CSNK1G1: variants seen among roughly 807,000 people sequenced by gnomAD.
CSNK1G1 encodes casein kinase 1 gamma 1.
A neutral mutation model predicts 59.6 loss-of-function variants in CSNK1G1; 22 were observed. That is an observed-to-expected ratio of 0.37 (90% confidence interval 0.26 to 0.53). CSNK1G1 has a LOEUF of 0.53. Among genes scored for constraint, CSNK1G1 ranks in the 20% least tolerant of loss-of-function variants. The pLI is 0.89. For missense variants in CSNK1G1, 384 were observed against 519.5 expected, an observed-to-expected ratio of 0.74 and a Z score of 2.54; for synonymous variants, 179 against 177.1, an observed-to-expected ratio of 1.01 and a Z score of -0.08.
Position 64,278,429 on chromosome 15 carries a change from TATA to T in CSNK1G1, c.182-19191_182-19189del, listed in dbSNP as rs1294846479. 6.6e-3 allele frequency among the ~76,000 whole-genome samples: 798 copies of T among 120,492 alleles called. 13 individuals carry two copies. Among genetic ancestry groups the T allele is most frequent in the African/African-American group, 0.032 (743 of 23,584 alleles). 79.0% of individuals were successfully genotyped at this position (120,492 alleles called of 152,430 possible). A position where few individuals can be genotyped will look rare whatever the true frequency, so the allele number is the denominator to read the frequency against. On this transcript the variant is annotated intron_variant, in intron 2 of 11. Coordinates refer to ENST00000303052, the MANE Select transcript of CSNK1G1 (RefSeq NM_022048.5). ...GTGTGTGTGTGTGTGTATATATATA[TATA>T]TTTTTTTTTTTTTGGACACAGAGTC...
intron 1 of CSNK1G1, among the ~76,000 whole-genome samples, chr15:64,329,588 G>C (rs913731268): frequency 1.7e-4 from 23 of 133,916 alleles, no homozygotes; most frequent in Admixed American, 1.6e-3. Context: ...ATCCAAAATT[G>C]ACATCCTAAC....
chr15:64,352,864 G>A (rs895441358), intron 1 of CSNK1G1, among the ~76,000 whole-genome samples: 2 of 151,848 alleles, frequency 1.3e-5, no homozygotes, highest in African/African-American at 2.4e-5. Flanking sequence ...CAAAGCTGGC[G>A]GATCACTTGA....
chr15:64,290,993 C>T (rs1894711937), intron 2 of CSNK1G1, among the ~76,000 whole-genome samples: 1 of 152,260 alleles, frequency 6.6e-6, no homozygotes, highest in Admixed American at 6.5e-5. Flanking sequence ...AGATTACAGG[C>T]GTGAGCCACC....
chr15:64,251,844 G>T (rs147849336), intron 3 of CSNK1G1, among the ~76,000 whole-genome samples: 153 of 152,262 alleles, frequency 1.0e-3, no homozygotes, highest in African/African-American at 3.4e-3. Context: ...TTCTTGCAAT[G>T]AAATATTCTC....
rs560627431 is a variant in CSNK1G1, at chr15:64,239,579, A to G, written c.292+11933T>C. On this transcript the variant is annotated intron_variant, in intron 4 of 11. Coordinates refer to ENST00000303052, the MANE Select transcript of CSNK1G1 (RefSeq NM_022048.5). Reference sequence around the variant, plus strand: ...TTTTTCATAGAGATGGGGTCTTGCTATGTTCCCTAGGCTGATCTCAAACTC... The same window carrying G: ...TTTTTCATAGAGATGGGGTCTTGCTGTGTTCCCTAGGCTGATCTCAAACTC... Among the ~76,000 whole-genome samples the G allele has an allele frequency of 2.0e-5, 3 of 152,124 alleles. No homozygotes were observed. The South Asian group carries it at 6.2e-4, about 32-fold the overall frequency.
At chr15:64,303,654 A>C (rs1393957891) in intron 1 of CSNK1G1, among the ~76,000 whole-genome samples, 1 of 151,924 alleles carries the variant, frequency 6.6e-6, no homozygotes, top group Non-Finnish European at 1.5e-5. Flanking sequence ...TGGGAGGCTG[A>C]GGCAGGAGAA....
At chr15:64,265,983 C>T (rs1490967170) in intron 2 of CSNK1G1, 1 of 331,192 alleles carries the variant, frequency 3.0e-6, no homozygotes, top group South Asian at 2.5e-5. Context: ...AGTAGGTAGA[C>T]TGAGATGGGA....
At chr15:64,248,741 T>C (rs1891896958) in intron 4 of CSNK1G1, among the ~76,000 whole-genome samples, 7 of 152,152 alleles carry the variant, frequency 4.6e-5, no homozygotes, top group Admixed American at 4.6e-4. Context: ...TCCCAGCACT[T>C]AGAGAGGGCG....
intron 2 of CSNK1G1, among the ~76,000 whole-genome samples, chr15:64,277,627 A>G (rs1025758164): frequency 7.2e-6 from 1 of 137,998 alleles, no homozygotes; most frequent in Non-Finnish European, 1.6e-5. Context: ...TATATTTAAT[A>G]TATTAATATT....
intron 2 of CSNK1G1, among the ~76,000 whole-genome samples, chr15:64,283,204 C>A (rs1295151677): frequency 6.6e-6 from 1 of 152,050 alleles, no homozygotes; most frequent in Non-Finnish European, 1.5e-5. Flanking sequence ...AAAAAAAATC[C>A]TTTGCCTATT....
At chr15:64,288,598 A>G (rs764332190) in intron 2 of CSNK1G1, among the ~76,000 whole-genome samples, 11 of 151,332 alleles carry the variant, frequency 7.3e-5, no homozygotes, top group African/African-American at 2.7e-4. Flanking sequence ...GTGCATGTGT[A>G]TATATATATA....
chr15:64,303,106 A>G (rs1397669494), intron 1 of CSNK1G1, among the ~76,000 whole-genome samples: 1 of 151,926 alleles, frequency 6.6e-6, no homozygotes, highest in Non-Finnish European at 1.5e-5. Flanking sequence ...GTATGTGCCT[A>G]TAGTCTCCAG....
intron 4 of CSNK1G1, among the ~76,000 whole-genome samples, chr15:64,247,900 A>T (rs1197845365): frequency 6.6e-6 from 1 of 152,242 alleles, no homozygotes; most frequent in Non-Finnish European, 1.5e-5. Flanking sequence ...ATAATTTCAT[A>T]CATTTATAAG....
chr15:64,288,854 C>T (rs1221041667), intron 2 of CSNK1G1, among the ~76,000 whole-genome samples: 3 of 151,954 alleles, frequency 2.0e-5, no homozygotes, highest in Non-Finnish European at 4.4e-5. Flanking sequence ...TTCTGTTGCC[C>T]ATAACCATCC....
At chr15:64,256,328 A>G (rs1278938475) in intron 3 of CSNK1G1, among the ~76,000 whole-genome samples, 1 of 152,270 alleles carries the variant, frequency 6.6e-6, no homozygotes, top group Non-Finnish European at 1.5e-5. Context: ...CATGCTGGAA[A>G]GCATAATAGA....
At chr15:64,283,362 A>G (rs1399266979) in intron 2 of CSNK1G1, among the ~76,000 whole-genome samples, 2 of 150,064 alleles carry the variant, frequency 1.3e-5, no homozygotes, top group African/African-American at 4.9e-5. Flanking sequence ...TTTCTTTTTG[A>G]GACGGAGCCT....
intron 2 of CSNK1G1, among the ~76,000 whole-genome samples, chr15:64,277,799 A>G (rs1312918392): frequency 2.9e-5 from 4 of 135,634 alleles, no homozygotes; most frequent in Non-Finnish European, 6.1e-5. Context: ...ATATTGATAT[A>G]TTTAATATAT....
intron 1 of CSNK1G1, among the ~76,000 whole-genome samples, chr15:64,311,353 G>A (rs765489314): frequency 3.9e-5 from 6 of 152,202 alleles, no homozygotes; most frequent in South Asian, 2.1e-4. Flanking sequence ...GCCTACACAC[G>A]CATTTTAAAA....
chr15:64,272,818 T>A (rs990892495), intron 2 of CSNK1G1, among the ~76,000 whole-genome samples: 1 of 152,140 alleles, frequency 6.6e-6, no homozygotes, highest in Non-Finnish European at 1.5e-5. Flanking sequence ...CAATCACAGC[T>A]CACTGCAGTC....
Sources: allele counts gnomAD v4.1 joint callset (sites outside exome capture counted in the v4.1 genomes callset), GRCh38; gene constraint gnomAD v4.1.1; transcripts MANE v1.5; gene names NCBI Gene and HGNC (gene_info 2026-07-23, HGNC 2026-07-21).